The following SPON1 variants were observed in gnomAD, a reference collection of about 807,000 sequenced individuals.
SPON1 encodes the protein spondin-1.
A neutral mutation model predicts 111.7 loss-of-function variants in SPON1; 52 were observed. The ratio of observed to expected loss-of-function variants is 0.47; its 90% CI spans 0.37 to 0.59. SPON1 has a LOEUF of 0.59. Ranked by LOEUF, SPON1 falls within the 20% of genes least tolerant of loss-of-function variation. The pLI is 0.00. For synonymous variants in SPON1, 410 were observed against 395.8 expected (o/e 1.04, Z -0.43); for missense variants, 957 against 1,068.5 (o/e 0.90, Z 1.46).
chr11:14,171,755 T>G (rs1201563164), intron 6 of SPON1, among the ~76,000 whole-genome samples: 1 of 152,148 alleles, frequency 6.6e-6, no homozygotes, highest in Non-Finnish European at 1.5e-5. Context: ...ATGTACCCAG[T>G]AGTCATTCAG....
intron 1 of SPON1, among the ~76,000 whole-genome samples, chr11:13,979,663 T>C (rs1376604970): frequency 1.3e-5 from 2 of 152,208 alleles, no homozygotes; most frequent in Non-Finnish European, 2.9e-5. Flanking sequence ...CAGCTGGACC[T>C]TTCATCTTAG....
At chr11:14,080,527 C>T (rs1315099522) in intron 5 of SPON1, among the ~76,000 whole-genome samples, 1 of 152,124 alleles carries the variant, frequency 6.6e-6, no homozygotes, top group African/African-American at 2.4e-5. Flanking sequence ...CTGTGCCCAG[C>T]CCCAGCATTG....
chr11:14,079,056 G>A (rs1848940191), intron 4 of SPON1, among the ~76,000 whole-genome samples: 1 of 152,146 alleles, frequency 6.6e-6, no homozygotes, highest in Non-Finnish European at 1.5e-5. Context: ...GTGAAAAAAA[G>A]CAACTGAAGC....
At chr11:14,157,069 A>G (rs910065040) in intron 6 of SPON1, among the ~76,000 whole-genome samples, 1 of 152,172 alleles carries the variant, frequency 6.6e-6, no homozygotes, top group African/African-American at 2.4e-5. Context: ...TAAATTTCAT[A>G]TATATTTTAA....
chr11:13,986,248 G>T (rs1382164349), intron 2 of SPON1, among the ~76,000 whole-genome samples: 2 of 152,138 alleles, frequency 1.3e-5, no homozygotes, highest in Non-Finnish European at 2.9e-5. Flanking sequence ...AAGAACAAAT[G>T]CCATTGTAAT....
intron 13 of SPON1, 145 bp from the exon 14 acceptor site, chr11:14,260,443 T>G: frequency 1.3e-6 from 1 of 794,630 alleles, no homozygotes; most frequent in Non-Finnish European, 1.9e-6. Flanking sequence ...CTCCATAGAT[T>G]TCACTCTTAT....
intron 6 of SPON1, among the ~76,000 whole-genome samples, chr11:14,174,132 T>C (rs891162927): frequency 1.3e-5 from 2 of 152,216 alleles, no homozygotes; most frequent in East Asian, 3.8e-4. Context: ...TACTGGATCC[T>C]GGATCCCCAA....
chr11:14,228,153 C>G lies in SPON1; in HGVS notation c.826-15179C>G, dbSNP rs1441946074. 6.6e-6 allele frequency among the ~76,000 whole-genome samples: 1 copy of G among 152,190 alleles called. No homozygotes were observed. The highest frequency in any genetic ancestry group is 2.4e-5 in the African/African-American group (1 of 41,434). The stretch of plus-strand genomic sequence containing the variant: ...TCACAATCTCGATGCAATGCTGACC[C>G]TCGTAGCCTGGGTCCTTCCGAGTTT... On this transcript the variant is annotated intron_variant, in intron 6 of 15. Coordinates refer to ENST00000576479, the MANE Select transcript of SPON1 (RefSeq NM_006108.4). The surrounding 1 kb of genome is among the most constrained non-coding windows in gnomAD (Gnocchi z 4.2).
At chr11:14,122,539 A>G (rs1554926603) in intron 5 of SPON1, among the ~76,000 whole-genome samples, 1 of 152,122 alleles carries the variant, frequency 6.6e-6, no homozygotes. Context: ...AATTACCACT[A>G]TGTTAAACCA....
At chr11:14,018,578 A>C (rs1235746310) in intron 2 of SPON1, among the ~76,000 whole-genome samples, 1 of 152,192 alleles carries the variant, frequency 6.6e-6, no homozygotes, top group Non-Finnish European at 1.5e-5. Context: ...ATGGATGAGA[A>C]AAGATAAGTA....
chr11:13,993,097 TTA>T (rs143433932), intron 2 of SPON1, among the ~76,000 whole-genome samples: 19,984 of 152,002 alleles, frequency 0.13, 1,518 homozygotes, highest in African/African-American at 0.19. Context: ...CTTTGCTTCT[TTA>T]TGAGTGAATC....
intron 5 of SPON1, among the ~76,000 whole-genome samples, chr11:14,114,038 A>T (rs1017112804): frequency 1.4e-4 from 22 of 152,218 alleles, no homozygotes; most frequent in African/African-American, 5.3e-4. Context: ...TCAAGCATTT[A>T]TCCTTTGAGT....
chr11:14,191,279 CTGCCTAGGAAGCACTCGTAGGTTATGTTA>C (rs1432363079), intron 6 of SPON1, among the ~76,000 whole-genome samples: 2 of 152,206 alleles, frequency 1.3e-5, no homozygotes, highest in Non-Finnish European at 2.9e-5. Flanking sequence ...GAACTAGTCT[CTGCCTAGGAAGCACTCGTAGGTTATGTTA>C]TATACAAAGG....
At chr11:14,113,408 G>A (rs1849240257) in intron 5 of SPON1, among the ~76,000 whole-genome samples, 1 of 152,136 alleles carries the variant, frequency 6.6e-6, no homozygotes, top group South Asian at 2.1e-4. Flanking sequence ...ATGTGATGGA[G>A]GGCGTGGGTA....
chr11:13,979,193 G>A lies in SPON1; in HGVS notation c.239-3654G>A, dbSNP rs546454016. On this transcript the variant is annotated intron_variant, in intron 1 of 15. Coordinates refer to ENST00000576479, the MANE Select transcript of SPON1 (RefSeq NM_006108.4). ...GCCTGGCTTCTGGTGGTTGTCAACAGGCCTTAGCTTTCTGCGGCTTGTAAA... is the reference window on the plus strand; with the variant it reads ...GCCTGGCTTCTGGTGGTTGTCAACAAGCCTTAGCTTTCTGCGGCTTGTAAA... 2.0e-5 allele frequency among the ~76,000 whole-genome samples: 3 copies of A among 152,236 alleles called. No individual in the cohort carries two copies. In the East Asian group the frequency reaches 5.8e-4, roughly 29 times the overall value.
At chr11:14,150,654 G>T (rs1437361411) in intron 6 of SPON1, among the ~76,000 whole-genome samples, 2 of 152,070 alleles carry the variant, frequency 1.3e-5, no homozygotes, top group Non-Finnish European at 2.9e-5. Flanking sequence ...CCCATGGTGA[G>T]CGTGAAACTA....
intron 6 of SPON1, among the ~76,000 whole-genome samples, chr11:14,150,452 G>A (rs573006187): frequency 6.6e-6 from 1 of 151,990 alleles, no homozygotes; most frequent in East Asian, 1.9e-4. Context: ...AGCTAGAAGA[G>A]CAGATTTTGA....
intron 2 of SPON1, among the ~76,000 whole-genome samples, chr11:14,041,135 T>C (rs1168330246): frequency 6.6e-6 from 1 of 152,224 alleles, no homozygotes; most frequent in Non-Finnish European, 1.5e-5. Flanking sequence ...AGTTATAAAA[T>C]TGTAGCTGAG....
intron 6 of SPON1, among the ~76,000 whole-genome samples, chr11:14,180,660 A>G (rs1400135620): frequency 1.3e-5 from 2 of 152,190 alleles, no homozygotes; most frequent in African/African-American, 2.4e-5. Context: ...GCCTGCCCTA[A>G]TAGACTGGGC....
Sources: allele counts gnomAD v4.1 joint callset (sites outside exome capture counted in the v4.1 genomes callset), GRCh38; gene constraint gnomAD v4.1.1; non-coding constraint Gnocchi (gnomAD v3.1); transcripts MANE v1.5; gene names NCBI Gene and HGNC (gene_info 2026-07-23, HGNC 2026-07-21).